Variants in CPNE4 observed in about 807,000 individuals in gnomAD.
The protein encoded by CPNE4 is copine-4.
A neutral mutation model predicts 67.9 loss-of-function variants in CPNE4; 25 were observed. The ratio of observed to expected loss-of-function variants is 0.37; its 90% CI spans 0.27 to 0.51. The LOEUF is 0.51. Ranked by LOEUF, CPNE4 falls within the 20% of genes least tolerant of loss-of-function variation. The pLI is 0.93. For missense variants in CPNE4, 464 were observed against 690.8 expected (o/e 0.67, Z 3.68); for synonymous variants, 242 against 244.9 (o/e 0.99, Z 0.11).
intron 2 of CPNE4, among the ~76,000 whole-genome samples, chr3:131,865,660 A>G (rs2086912361): frequency 6.6e-6 from 1 of 152,190 alleles, no homozygotes; most frequent in African/African-American, 2.4e-5. Context: ...CTCCACCACC[A>G]ACAAACAAGG....
At chr3:131,798,656 A>T (rs1023408026) in intron 2 of CPNE4, among the ~76,000 whole-genome samples, 2 of 152,146 alleles carry the variant, frequency 1.3e-5, no homozygotes, top group Non-Finnish European at 2.9e-5. Flanking sequence ...GTGATATTTG[A>T]GAGTCCAGAA....
At chr3:131,639,485 C>A (rs541248174) in intron 7 of CPNE4, among the ~76,000 whole-genome samples, 6 of 152,036 alleles carry the variant, frequency 3.9e-5, no homozygotes, top group Non-Finnish European at 7.4e-5. Flanking sequence ...CTGAACAGAT[C>A]CATAGCAAGC....
intron 2 of CPNE4, among the ~76,000 whole-genome samples, chr3:131,803,745 A>G (rs1187681580): frequency 6.6e-6 from 1 of 152,238 alleles, no homozygotes; most frequent in Non-Finnish European, 1.5e-5. Flanking sequence ...CACTATTTGT[A>G]AACATAAGGA....
chr3:131,568,030 G>A (rs568393118), intron 10 of CPNE4, among the ~76,000 whole-genome samples: 18 of 151,962 alleles, frequency 1.2e-4, no homozygotes, highest in Non-Finnish European at 1.5e-5. Flanking sequence ...TTCTCATATC[G>A]ACCTAGGGGA....
chr3:131,722,229 C>G (rs1030482444), intron 3 of CPNE4, among the ~76,000 whole-genome samples: 1 of 152,024 alleles, frequency 6.6e-6, no homozygotes, highest in Non-Finnish European at 1.5e-5. Flanking sequence ...TAAACCTGAC[C>G]CTTACCTTGA....
chr3:131,743,807 CA>C (rs561865830), intron 2 of CPNE4, among the ~76,000 whole-genome samples: 1 of 150,832 alleles, frequency 6.6e-6, no homozygotes. Context: ...ACTAAAAATA[CA>C]AAAAATTAGC....
In CPNE4 at chr3:131,819,337, G is replaced by C. The variant is rs145846590; in HGVS notation, c.180+85927C>G. On this transcript the variant is annotated intron_variant, in intron 2 of 15. Transcript: ENST00000429747. The stretch of plus-strand genomic sequence containing the variant: ...AAGGAAAAGCCATTTGGATGAATAA[G>C]AGAACAATTTGATCTCAATATAGGC... 6.5e-3 allele frequency among the ~76,000 whole-genome samples: 985 copies of C among 152,246 alleles called. 33 individuals carry two copies. The South Asian group carries it at 0.095, about 15-fold the overall frequency.
At chr3:131,659,254 A>C (rs553362046) in intron 7 of CPNE4, among the ~76,000 whole-genome samples, 22 of 152,344 alleles carry the variant, frequency 1.4e-4, no homozygotes, top group Non-Finnish European at 2.8e-4. Context: ...ACAAAATTGC[A>C]CTGGGGGATT....
intron 2 of CPNE4, among the ~76,000 whole-genome samples, chr3:131,897,875 G>A (rs1252173413): frequency 3.3e-5 from 5 of 151,666 alleles, no homozygotes; most frequent in Non-Finnish European, 7.4e-5. Flanking sequence ...CTGGGCAACA[G>A]AGAGAGAGAC....
chr3:131,761,092 G>A (rs1042321592), intron 2 of CPNE4, among the ~76,000 whole-genome samples: 3 of 151,974 alleles, frequency 2.0e-5, no homozygotes, highest in Non-Finnish European at 4.4e-5. Context: ...TGAGACTTGG[G>A]GTAAGATTTG....
intron 7 of CPNE4, among the ~76,000 whole-genome samples, chr3:131,650,025 A>G (rs533909724): frequency 6.6e-6 from 1 of 152,206 alleles, no homozygotes; most frequent in South Asian, 2.1e-4. Flanking sequence ...TGGCTGTACT[A>G]TTCACGGTGG....
intron 7 of CPNE4, among the ~76,000 whole-genome samples, chr3:131,594,674 T>C (rs1351842526): frequency 6.6e-6 from 1 of 152,050 alleles, no homozygotes; most frequent in Non-Finnish European, 1.5e-5. Flanking sequence ...AAAGCACAGG[T>C]AATAAAAGCA....
chr3:131,910,871 C>A (rs1037579369), intron 1 of CPNE4, among the ~76,000 whole-genome samples: 1 of 152,098 alleles, frequency 6.6e-6, no homozygotes, highest in African/African-American at 2.4e-5. Context: ...GACCACAAAA[C>A]CGTAAATGTT....
intron 2 of CPNE4, among the ~76,000 whole-genome samples, chr3:131,780,977 G>T (rs2083420120): frequency 2.0e-5 from 3 of 152,018 alleles, no homozygotes; most frequent in African/African-American, 4.8e-5. Flanking sequence ...GACAGTGAAG[G>T]TCTGGAAGTA....
At chr3:131,758,708 T>C (rs1192931796) in intron 2 of CPNE4, among the ~76,000 whole-genome samples, 1 of 152,110 alleles carries the variant, frequency 6.6e-6, no homozygotes, top group African/African-American at 2.4e-5. Flanking sequence ...TAAACTTGAA[T>C]TGAATCTCCC....
At chr3:131,962,382 A>G (rs1387304750) in intron 1 of CPNE4, among the ~76,000 whole-genome samples, 2 of 152,224 alleles carry the variant, frequency 1.3e-5, no homozygotes, top group African/African-American at 4.8e-5. Context: ...ATTTTCACTC[A>G]GTATTTGAAC....
intron 7 of CPNE4, among the ~76,000 whole-genome samples, chr3:131,666,903 T>C (rs1393115919): frequency 1.3e-5 from 2 of 152,172 alleles, no homozygotes; most frequent in Non-Finnish European, 1.5e-5. Context: ...CTTAAACAAA[T>C]AGAAACAATT....
intron 2 of CPNE4, among the ~76,000 whole-genome samples, chr3:131,753,936 C>A (rs1410197164): frequency 6.6e-6 from 1 of 151,784 alleles, no homozygotes; most frequent in Non-Finnish European, 1.5e-5. Flanking sequence ...CAGAATATAC[C>A]CCTTAGAAAT....
intron 2 of CPNE4, among the ~76,000 whole-genome samples, chr3:131,885,997 G>T (rs1298913090): frequency 6.6e-6 from 1 of 152,220 alleles, no homozygotes; most frequent in South Asian, 2.1e-4. Flanking sequence ...GCCAGCTGCA[G>T]AAATTTGCAT....
Sources: gnomAD v4.1 joint callset for allele counts (sites outside exome capture counted in the v4.1 genomes callset) on GRCh38, gnomAD v4.1.1 for gene constraint, MANE v1.5 for transcripts, NCBI Gene and HGNC (gene_info 2026-07-23, HGNC 2026-07-21) for gene names.